Variants in ADGRL4 observed in about 807,000 individuals in gnomAD.
ADGRL4 encodes the protein EGF, latrophilin and seven transmembrane domain containing 1.
Under a neutral mutation model 74.8 loss-of-function variants are expected in ADGRL4, and 90 were observed. The observed-to-expected ratio is 1.20, with a 90% CI of 1.02 to 1.43. The LOEUF is 1.43. Ranked by LOEUF, ADGRL4 falls within the 40% of genes most tolerant of loss-of-function variation. The pLI is 0.00. For synonymous variants in ADGRL4, 311 were observed against 279.2 expected, an observed-to-expected ratio of 1.11 and a Z score of -1.14; for missense variants, 881 against 814.3, an observed-to-expected ratio of 1.08 and a Z score of -1.00.
chr1:78,929,983 A>G (rs1649204325), intron 7 of ADGRL4, among the ~76,000 whole-genome samples: 1 of 151,604 alleles, frequency 6.6e-6, no homozygotes, highest in South Asian at 2.1e-4. Flanking sequence ...TACAAAATGT[A>G]TGCTTGGTTA....
intron 2 of ADGRL4, among the ~76,000 whole-genome samples, chr1:78,999,904 T>A (rs1165559555): frequency 6.6e-6 from 1 of 151,680 alleles, no homozygotes; most frequent in Non-Finnish European, 1.5e-5. Flanking sequence ...AAACAGAAAA[T>A]GGTATTCTTA....
rs752641677 is a variant in ADGRL4, at chr1:78,926,912, T to C, written c.1057A>G (p.Ile353Val). 1.2e-6 allele frequency: 2 copies of C among 1,611,694 alleles called. No homozygotes were observed. The highest frequency in any genetic ancestry group is 2.2e-5 in the South Asian group (2 of 90,998). ...TTTCGATGACTTAATGTAAATGTTATTTTTTCAAGTTCATATAATGTGGGT... is the reference window on the plus strand; with the variant it reads ...TTTCGATGACTTAATGTAAATGTTACTTTTTCAAGTTCATATAATGTGGGT... Reference protein sequence around the residue: ...NPPTLYELEKITFTLSHRKVT... With the variant: ...NPPTLYELEKVTFTLSHRKVT... The change falls in exon 8 of 15, where the codon ATA becomes GTA. Residue 353 changes from isoleucine (I) to valine (V), a missense_variant. Physicochemically the swap from Ile to Val is conservative, Grantham distance 29. Coordinates refer to ENST00000370742, the MANE Select transcript of ADGRL4 (RefSeq NM_022159.4).
At chr1:78,897,098 T>C (rs1327905384) in intron 12 of ADGRL4, among the ~76,000 whole-genome samples, 2 of 152,192 alleles carry the variant, frequency 1.3e-5, no homozygotes, top group East Asian at 1.9e-4. Context: ...TATGGAAATG[T>C]AGAGAATGAT....
At position 78,891,514 on chromosome 1, in the gene ADGRL4, A is replaced by G; in HGVS notation, c.2010+10T>C. 1 of 1,608,312 alleles carries G rather than the reference A, an allele frequency of 6.2e-7. No homozygotes were observed. The highest frequency in any genetic ancestry group is 8.5e-7 in the Non-Finnish European group (1 of 1,178,134). ...TATACTAGGAACCACCAAAATAAGA[A>G]ATTGTTTACCTTTCTAGATAAAACA... On this transcript the variant is annotated intron_variant, in intron 14 of 14. Transcript: ENST00000370742.
chr1:78,974,298 A>G (rs887171988), intron 2 of ADGRL4, among the ~76,000 whole-genome samples: 7 of 152,136 alleles, frequency 4.6e-5, no homozygotes, highest in Non-Finnish European at 8.8e-5. Context: ...TTTTAGGACA[A>G]TAGTACTATG....
intron 2 of ADGRL4, among the ~76,000 whole-genome samples, chr1:78,990,836 T>C (rs1385991849): frequency 6.6e-6 from 1 of 152,002 alleles, no homozygotes; most frequent in African/African-American, 2.4e-5. Context: ...TTTCTGTGTT[T>C]ATAAAGGTCC....
intron 2 of ADGRL4, among the ~76,000 whole-genome samples, chr1:78,976,455 A>G (rs1042336603): frequency 1.3e-5 from 2 of 151,878 alleles, no homozygotes; most frequent in Non-Finnish European, 1.5e-5. Flanking sequence ...ATGAAAAAAA[A>G]TCCTCTATAA....
chr1:78,986,405 G>A (rs926342186), intron 2 of ADGRL4, among the ~76,000 whole-genome samples: 1 of 151,560 alleles, frequency 6.6e-6, no homozygotes, highest in African/African-American at 2.4e-5. Context: ...CTCAAAACCA[G>A]TTTAGGCAAC....
chr1:78,921,820 GA>G, intron 8 of ADGRL4, 34 bp from the exon 9 acceptor site: 1 of 1,274,934 alleles, frequency 7.8e-7, no homozygotes, highest in Non-Finnish European at 1.0e-6. Context: ...TGAAAAAAGA[GA>G]AAAAGTTACA....
intron 2 of ADGRL4, among the ~76,000 whole-genome samples, chr1:78,962,470 G>A (rs927572047): frequency 1.3e-5 from 2 of 151,936 alleles, no homozygotes; most frequent in African/African-American, 2.4e-5. Context: ...TTTGGCTCTC[G>A]TGTTCTTTCT....
Position 78,905,807 on chromosome 1 carries a change from A to G in ADGRL4, c.1749+11827T>C, listed in dbSNP as rs566661060. Among the ~76,000 whole-genome samples, 19 of 152,178 alleles carry G rather than the reference A, an allele frequency of 1.2e-4. No individual in the cohort carries two copies. In the South Asian group the frequency reaches 3.9e-3, roughly 32 times the overall value. On this transcript the variant is annotated intron_variant, in intron 12 of 14. Transcript: ENST00000370742. ...TATATTTAAATCCCAGGTATCTTTA[A>G]TAACCTTCATAAAGGAGCATTTAGC...
intron 13 of ADGRL4, among the ~76,000 whole-genome samples, chr1:78,892,727 G>A (rs1368064738): frequency 1.3e-5 from 2 of 151,994 alleles, no homozygotes; most frequent in Non-Finnish European, 2.9e-5. Flanking sequence ...GTTTTAAAGC[G>A]GGAGGGTGGG....
chr1:78,982,043 T>A (rs1650406827), intron 2 of ADGRL4, among the ~76,000 whole-genome samples: 1 of 151,904 alleles, frequency 6.6e-6, no homozygotes. Context: ...TTCGCTTCTT[T>A]GAACCTTACA....
chr1:78,919,467 T>C (rs558914164), intron 10 of ADGRL4, among the ~76,000 whole-genome samples: 1 of 152,038 alleles, frequency 6.6e-6, no homozygotes, highest in East Asian at 2.0e-4. Flanking sequence ...GCTCAAGGAC[T>C]TCCGAGAGGA....
chr1:78,927,967 A>G (rs1649154357), intron 7 of ADGRL4, among the ~76,000 whole-genome samples: 1 of 151,894 alleles, frequency 6.6e-6, no homozygotes, highest in Non-Finnish European at 1.5e-5. Flanking sequence ...TATTAAAGAA[A>G]GTATGACATT....
chr1:78,954,685 T>C (rs1557511295), intron 2 of ADGRL4, among the ~76,000 whole-genome samples: 1 of 152,130 alleles, frequency 6.6e-6, no homozygotes, highest in Non-Finnish European at 1.5e-5. Context: ...AAGATTAAAG[T>C]TATTAAAAGA....
chr1:78,983,191 T>A (rs902982031), intron 2 of ADGRL4, among the ~76,000 whole-genome samples: 1 of 151,650 alleles, frequency 6.6e-6, no homozygotes. Flanking sequence ...TTCCCACACA[T>A]AAGGAGTGCC....
chr1:78,906,706 A>G (rs1411395989), intron 12 of ADGRL4, among the ~76,000 whole-genome samples: 1 of 152,050 alleles, frequency 6.6e-6, no homozygotes, highest in Non-Finnish European at 1.5e-5. Flanking sequence ...TAAGAATCAA[A>G]CATTTCAAAG....
chr1:78,964,424 C>T (rs1650015541), intron 2 of ADGRL4, among the ~76,000 whole-genome samples: 1 of 152,066 alleles, frequency 6.6e-6, no homozygotes, highest in Non-Finnish European at 1.5e-5. Flanking sequence ...CGCACAATAA[C>T]CTTAGAATTA....
Sources: allele counts gnomAD v4.1 joint callset (sites outside exome capture counted in the v4.1 genomes callset), GRCh38; gene constraint gnomAD v4.1.1; transcripts MANE v1.5; gene names NCBI Gene and HGNC (gene_info 2026-07-23, HGNC 2026-07-21).